Variants in ACER3 observed in about 807,000 individuals in gnomAD.
ACER3 encodes alkCDase 3.
Under a neutral mutation model 48.9 loss-of-function variants are expected in ACER3, and 16 were observed. The ratio of observed to expected loss-of-function variants is 0.33; its 90% CI spans 0.22 to 0.50. The LOEUF is 0.50. Among genes scored for constraint, ACER3 ranks in the 20% least tolerant of loss-of-function variants. The pLI is 0.98. For synonymous variants in ACER3, 109 were observed against 107.8 expected (o/e 1.01, Z -0.07); for missense variants, 227 against 326.0 (o/e 0.70, Z 2.34).
chr11:76,995,391 C>CT (rs1414388085), intron 6 of ACER3, among the ~76,000 whole-genome samples: 1 of 152,186 alleles, frequency 6.6e-6, no homozygotes, highest in African/African-American at 2.4e-5. Context: ...CCTAACAACT[C>CT]TGTCTAAAAT....
At chr11:76,974,785 AG>A (rs199649864) in intron 3 of ACER3, among the ~76,000 whole-genome samples, 4,590 of 149,134 alleles carry the variant, frequency 0.031, 92 homozygotes, top group South Asian at 0.065. Flanking sequence ...TTAAAAAAAA[AG>A]GTGAATTTTA....
At chr11:76,944,407 A>G (rs1280068088) in intron 2 of ACER3, among the ~76,000 whole-genome samples, 2 of 152,120 alleles carry the variant, frequency 1.3e-5, no homozygotes, top group East Asian at 1.9e-4. Flanking sequence ...AGTGGTAACA[A>G]ATTCTCTCTG....
At chr11:77,014,972 A>G in intron 7 of ACER3, 44 bp from the exon 8 acceptor site, 1 of 1,171,684 alleles carries the variant, frequency 8.5e-7, no homozygotes, top group Non-Finnish European at 1.3e-6. Context: ...TCGTGACATG[A>G]CTTGAGAAAA....
intron 1 of ACER3, among the ~76,000 whole-genome samples, chr11:76,911,056 C>T (rs924162376): frequency 3.3e-5 from 5 of 152,092 alleles, no homozygotes; most frequent in East Asian, 3.9e-4. Context: ...ATCCAGACCC[C>T]AAGAGAGGGT....
chr11:76,952,978 A>G (rs1291523668), intron 2 of ACER3, among the ~76,000 whole-genome samples: 1 of 152,086 alleles, frequency 6.6e-6, no homozygotes, highest in Non-Finnish European at 1.5e-5. Context: ...GAAGTTGCAT[A>G]AGATTCCAAT....
chr11:76,876,666 C>A lies in ACER3; in HGVS notation c.103+15587C>A, dbSNP rs79409844. On this transcript the variant is annotated intron_variant, in intron 1 of 10. Transcript: ENST00000532485. ...CAAAGTGGTTGTACCATTTTACACA[C>A]AGAGCATTTGATCCACATCCTTGTC... Among the ~76,000 whole-genome samples, 6 of 152,278 alleles carry A rather than the reference C, an allele frequency of 3.9e-5. No homozygotes were observed. The East Asian group carries it at 1.2e-3, about 29-fold the overall frequency.
At chr11:76,939,702 G>C (rs61900091) in intron 2 of ACER3, among the ~76,000 whole-genome samples, 1,715 of 152,294 alleles carry the variant, frequency 0.011, 20 homozygotes, top group Middle Eastern at 0.024. Context: ...CAAAAGTGCT[G>C]AATGAAATTA....
chr11:76,896,520 T>A (rs55743360), intron 1 of ACER3, among the ~76,000 whole-genome samples: 61,148 of 151,252 alleles, frequency 0.4, 15,096 homozygotes, highest in Non-Finnish European at 0.56. Flanking sequence ...ACTAGTAGAA[T>A]CCCCCCTCCA....
intron 4 of ACER3, among the ~76,000 whole-genome samples, chr11:76,983,444 T>C (rs1403182554): frequency 6.6e-6 from 1 of 151,948 alleles, no homozygotes; most frequent in Non-Finnish European, 1.5e-5. Flanking sequence ...GCCTCTCAAG[T>C]AGCTGCGACT....
At position 77,005,985 on chromosome 11, in the gene ACER3, ATATATAT is replaced by A. The variant is rs1338458991; in HGVS notation, c.497+7166_497+7172del. 2.3e-4 allele frequency among the ~76,000 whole-genome samples: 9 copies of A among 39,298 alleles called. No individual in the cohort carries two copies. The East Asian group carries it at 3.0e-3, about 13-fold the overall frequency. 25.8% of individuals were successfully genotyped at this position (39,298 alleles called of 152,430 possible). ...TATATATATATACATATATATATAT[ATATATAT>A]TTTTTTTTTTTTTTGAGCCAGAGTT... On this transcript the variant is annotated intron_variant, in intron 7 of 10. Coordinates refer to ENST00000532485, the MANE Select transcript of ACER3 (RefSeq NM_018367.7).
chr11:76,877,273 T>C (rs1945405924), intron 1 of ACER3, among the ~76,000 whole-genome samples: 1 of 148,286 alleles, frequency 6.7e-6, no homozygotes, highest in South Asian at 2.1e-4. Context: ...CTCTAACATA[T>C]GTTCTTTAAC....
Position 77,022,049 on chromosome 11 carries a change from C to T in ACER3, c.*1722C>T, listed in dbSNP as rs1451259222. 6.6e-6 allele frequency: 1 copy of T among 152,228 alleles called. No homozygotes were observed. Among genetic ancestry groups the T allele is most frequent in the African/African-American group, 2.4e-5 (1 of 41,444 alleles). 9.4% of individuals were successfully genotyped at this position (152,228 alleles called of 1,614,324 possible). A position where few individuals can be genotyped will look rare whatever the true frequency, so the allele number is the denominator to read the frequency against. Reference sequence around the variant, plus strand: ...TTTGCCCCAAGATTCTGACTTCTGGCTACATTTCACCTGCAGTTACCTGGG... The same window carrying T: ...TTTGCCCCAAGATTCTGACTTCTGGTTACATTTCACCTGCAGTTACCTGGG... On this transcript the variant is annotated 3_prime_UTR_variant, in exon 11 of 11. Coordinates refer to ENST00000532485, the MANE Select transcript of ACER3 (RefSeq NM_018367.7).
chr11:76,885,068 C>T (rs1945638237), intron 1 of ACER3, among the ~76,000 whole-genome samples: 1 of 152,184 alleles, frequency 6.6e-6, no homozygotes, highest in Non-Finnish European at 1.5e-5. Context: ...AAAGCCCAGC[C>T]AGATCCTTCT....
rs12289386 is a variant in ACER3 at position 76,987,188 on chromosome 11, G to A, written c.402+1464G>A. ...TTATGAGGCTGGATTACAGGAGTAT[G>A]AGACTAGACCCAGGGACTTCTGTAT... On this transcript the variant is annotated intron_variant, in intron 5 of 10. Transcript: ENST00000532485. Among the ~76,000 whole-genome samples, 213 of 152,342 alleles carry A rather than the reference G, an allele frequency of 1.4e-3. 2 individuals carry two copies. Among genetic ancestry groups the A allele is most frequent in the African/African-American group, 4.9e-3 (202 of 41,582 alleles).
chr11:76,928,086 A>C (rs533599345), intron 2 of ACER3, among the ~76,000 whole-genome samples: 1 of 152,210 alleles, frequency 6.6e-6, no homozygotes, highest in East Asian at 1.9e-4. Flanking sequence ...GACAGTATAA[A>C]AGTGTTCCTA....
At chr11:76,994,269 A>G (rs1461136593) in intron 6 of ACER3, 2 of 425,218 alleles carry the variant, frequency 4.7e-6, no homozygotes, top group Non-Finnish European at 9.2e-6. Context: ...AGCTGGGACT[A>G]CAGGCGTGTA....
rs1949536187 is a variant in ACER3 at position 77,025,407 on chromosome 11, TA to T, written c.*5081del. 1 of 144,588 alleles carries T rather than the reference TA, an allele frequency of 6.9e-6. No homozygotes were observed. Among genetic ancestry groups the T allele is most frequent in the African/African-American group, 2.6e-5 (1 of 38,378 alleles). 9.0% of individuals were successfully genotyped at this position (144,588 alleles called of 1,614,324 possible). On this transcript the variant is annotated 3_prime_UTR_variant, in exon 11 of 11. Transcript: ENST00000532485. The stretch of plus-strand genomic sequence containing the variant: ...ATTTTATTCTTTATATATATATATA[TA>T]TATTTATTTATTTTTTTGAGACAGA...
intron 9 of ACER3, chr11:77,019,410 G>A (rs555514119): frequency 2.6e-5 from 5 of 194,762 alleles, no homozygotes; most frequent in African/African-American, 4.7e-5. Context: ...AGTGAGCCGA[G>A]ATTGCGCCAC....
rs76065629 is a variant in ACER3 at position 76,998,706 on chromosome 11, G to A, written c.439-57G>A. 2.3e-6 allele frequency: 3 copies of A among 1,314,118 alleles called. No homozygotes were observed. The East Asian group carries it at 7.8e-5, about 34-fold the overall frequency. 81.4% of individuals were successfully genotyped at this position (1,314,118 alleles called of 1,614,324 possible). A position where few individuals can be genotyped will look rare whatever the true frequency, so the allele number is the denominator to read the frequency against. ...GAAGGCTATTTTGGTAGGCAAAATA[G>A]ACTTCCTTTGCCAAACAATAATGAT... is the stretch of plus-strand genomic sequence containing the variant. On this transcript the variant is annotated intron_variant, in intron 6 of 10. Transcript: ENST00000532485.
Sources: allele counts gnomAD v4.1 joint callset (sites outside exome capture counted in the v4.1 genomes callset), GRCh38; gene constraint gnomAD v4.1.1; transcripts MANE v1.5; gene names NCBI Gene and HGNC (gene_info 2026-07-23, HGNC 2026-07-21).